The following MACF1 variants were observed in gnomAD, a reference collection of about 807,000 sequenced individuals.
MACF1 encodes microtubule actin crosslinking factor 1.
MACF1 carries 193 observed loss-of-function variants against 854.8 expected under a neutral mutation model. The observed-to-expected ratio is 0.23, with a 90% confidence interval of 0.20 to 0.25. The LOEUF (loss-of-function observed/expected upper bound fraction) is 0.25, where lower values mean the gene tolerates loss of function less well. Among genes scored for constraint, MACF1 ranks in the 10% least tolerant of loss-of-function variants. The pLI, the probability that MACF1 is intolerant of heterozygous loss-of-function variation, is 1.00. For missense variants in MACF1, 7,722 were observed against 8,929.1 expected (o/e 0.86, Z 5.45); for synonymous variants, 3,185 against 3,226.7 (o/e 0.99, Z 0.44).
chr1:39,332,029 T>C lies in MACF1; in HGVS notation c.5441T>C (p.Ile1814Thr), dbSNP rs745840760. 56 of 1,613,784 alleles carry C rather than the reference T, an allele frequency of 3.5e-5. No individual in the cohort carries two copies. The Admixed American group carries it at 8.5e-4, about 25-fold the overall frequency. Residue 1814 changes from isoleucine (I) to threonine (T), a missense_variant, in exon 37 of 101, where the codon ATA becomes ACA. By Grantham distance (89) the Ile-to-Thr change is moderately conservative. This residue lies in a region of MACF1 where 1,531 missense variants were observed against 1,601.6 expected (regional missense o/e 0.96). Transcript: ENST00000564288. Reference sequence around the variant, plus strand: ...AGGCAGCTTCAGACAGGAGGCATCATAGACACTGTCACGGGGCAAAGGCTA... The same window carrying C: ...AGGCAGCTTCAGACAGGAGGCATCACAGACACTGTCACGGGGCAAAGGCTA... ...LIRQLQTGGI[I>T]DTVTGQRLTI... is the part of the protein sequence containing the mutation.
chr1:39,409,989 A>T lies in MACF1; in HGVS notation c.15817-12385A>T, dbSNP rs897713522. On this transcript the variant is annotated intron_variant, in intron 58 of 100. Transcript: ENST00000564288. This position sits in a 1 kb window ranked among gnomAD's most constrained non-coding sequence, Gnocchi z 4.2. ...CTGTATTTGAAAGAGCAGTGCTCTTAAAAAAAATTAAACCATAAGCCATAC... is the reference window on the plus strand; with the variant it reads ...CTGTATTTGAAAGAGCAGTGCTCTTTAAAAAAATTAAACCATAAGCCATAC... 11 of 330,298 alleles carry T rather than the reference A, an allele frequency of 3.3e-5. No individual in the cohort carries two copies. The highest frequency in any genetic ancestry group is 1.1e-4 in the South Asian group (1 of 8,724). 20.5% of individuals were successfully genotyped at this position (330,298 alleles called of 1,614,324 possible).
chr1:39,231,392 T>G, intron 2 of MACF1, 149 bp downstream of exon 2: 1 of 723,676 alleles, frequency 1.4e-6, no homozygotes. Flanking sequence ...CTTCTTTTCT[T>G]TTTTAATAGA....
intron 6 of MACF1, among the ~76,000 whole-genome samples, chr1:39,274,352 T>C (rs1645391337): frequency 6.6e-6 from 1 of 152,234 alleles, no homozygotes; most frequent in Non-Finnish European, 1.5e-5. Context: ...GTTGGCTCTC[T>C]GCATTGTGGG....
intron 2 of MACF1, among the ~76,000 whole-genome samples, chr1:39,119,695 T>C (rs564453099): frequency 3.9e-5 from 6 of 152,276 alleles, no homozygotes; most frequent in African/African-American, 1.2e-4. Context: ...TCCCTGCTCC[T>C]GGACCTGCCT....
chr1:39,483,438 G>A (rs1188875052), intron 99 of MACF1, among the ~76,000 whole-genome samples: 3 of 152,208 alleles, frequency 2.0e-5, no homozygotes, highest in Non-Finnish European at 4.4e-5. Context: ...AGCCACACGT[G>A]TATCTGGGGT....
chr1:39,283,971 G>A lies in MACF1; in HGVS notation c.916-95G>A, dbSNP rs1001085605. On this transcript the variant is annotated intron_variant, in intron 9 of 100. Transcript: ENST00000564288. The surrounding 1 kb of genome is among the most constrained non-coding windows in gnomAD (Gnocchi z 4.5). The stretch of plus-strand genomic sequence containing the variant: ...AGCATCTAGGCAATTAAAGGAAATG[G>A]ATTTTATATAGTTTGGAGTGGCCTG... 2.8e-5 allele frequency: 39 copies of A among 1,375,956 alleles called. No homozygotes were observed. Among genetic ancestry groups the A allele is most frequent in the Non-Finnish European group, 3.7e-5 (37 of 994,972 alleles). 85.2% of individuals were successfully genotyped at this position (1,375,956 alleles called of 1,614,324 possible). A position where few individuals can be genotyped will look rare whatever the true frequency, so the allele number is the denominator to read the frequency against.
chr1:39,091,504 A>AT (rs530996702), intron 2 of MACF1, among the ~76,000 whole-genome samples: 8 of 150,224 alleles, frequency 5.3e-5, no homozygotes, highest in South Asian at 2.1e-4. Flanking sequence ...GCCCTTGATA[A>AT]TTTTTTTTTT....
chr1:39,092,013 T>C (rs1641818954), intron 2 of MACF1, among the ~76,000 whole-genome samples: 1 of 152,214 alleles, frequency 6.6e-6, no homozygotes. Flanking sequence ...TGAACTGAGC[T>C]ACGTTGCAAG....
At chr1:39,483,918 G>A (rs1210350144) in intron 99 of MACF1, among the ~76,000 whole-genome samples, 1 of 152,246 alleles carries the variant, frequency 6.6e-6, no homozygotes, top group Non-Finnish European at 1.5e-5. Context: ...TTGGGAGGCT[G>A]AGGTGGGCAG....
chr1:39,313,165 A>G (rs1420542512), intron 26 of MACF1, among the ~76,000 whole-genome samples: 1 of 152,128 alleles, frequency 6.6e-6, no homozygotes, highest in Non-Finnish European at 1.5e-5. Context: ...CTTCCTGATT[A>G]GTGTTAGGTC....
At chr1:39,107,825 C>T (rs923088314) in intron 2 of MACF1, among the ~76,000 whole-genome samples, 2 of 152,160 alleles carry the variant, frequency 1.3e-5, no homozygotes, top group Admixed American at 1.3e-4. Flanking sequence ...ACTTGGATCT[C>T]TCTCTGCTGC....
At chr1:39,124,791 C>A (rs1446755584) in intron 2 of MACF1, among the ~76,000 whole-genome samples, 1 of 152,172 alleles carries the variant, frequency 6.6e-6, no homozygotes, top group African/African-American at 2.4e-5. Context: ...CTTAGAGCAA[C>A]CATGTGAAAT....
chr1:39,249,159 T>C (rs74554612), intron 2 of MACF1, among the ~76,000 whole-genome samples: 3,174 of 152,314 alleles, frequency 0.021, 118 homozygotes, highest in African/African-American at 0.073. Flanking sequence ...CTTCCTTGGT[T>C]TCTTTGATGG....
intron 1 of MACF1, among the ~76,000 whole-genome samples, chr1:39,211,013 C>T (rs896289619): frequency 2.6e-5 from 4 of 151,282 alleles, no homozygotes; most frequent in Non-Finnish European, 5.9e-5. Flanking sequence ...GTCGCCCAGG[C>T]TGGAGTGCAG....
Position 39,442,000 on chromosome 1 carries a change from C to A in MACF1, c.18721C>A (p.Pro6241Thr), listed in dbSNP as rs769998643. ...DNTVIKLCTM[P>T]PVGTDLNTVK... ...CACTGTGATTAAACTCTGCACCATG[C>A]CCCCTGTTGGCACTGACCTCAATAC... The change falls in exon 75 of 101, where the codon CCC becomes ACC. Residue 6241 changes from proline (P) to threonine (T), a missense_variant. By Grantham distance (38) the Pro-to-Thr change is conservative. Transcript: ENST00000564288. 5 of 1,613,944 alleles carry A rather than the reference C, an allele frequency of 3.1e-6. No individual in the cohort carries two copies. The South Asian group carries it at 5.5e-5, about 18-fold the overall frequency.
chr1:39,256,949 G>A (rs1439281417), intron 5 of MACF1, among the ~76,000 whole-genome samples: 1 of 151,232 alleles, frequency 6.6e-6, no homozygotes, highest in Non-Finnish European at 1.5e-5. Context: ...CAATAAAAAA[G>A]TGACCCACAA....
At chr1:39,100,772 T>C (rs1642049883) in intron 2 of MACF1, among the ~76,000 whole-genome samples, 1 of 151,952 alleles carries the variant, frequency 6.6e-6, no homozygotes, top group South Asian at 2.1e-4. Context: ...GAGAATGGCT[T>C]GAACTCAGGA....
chr1:39,085,415 C>T (rs576316537), intron 2 of MACF1, among the ~76,000 whole-genome samples: 2 of 152,152 alleles, frequency 1.3e-5, no homozygotes, highest in South Asian at 4.1e-4. Flanking sequence ...TCAGTGACAT[C>T]ACCCGCTTTC....
chr1:39,340,783 G>T, intron 39 of MACF1, 21 bp from the exon 40 acceptor site: 1 of 1,611,934 alleles, frequency 6.2e-7, no homozygotes, highest in Non-Finnish European at 8.5e-7. Flanking sequence ...TTCATAATGT[G>T]ATTTTCCATT....
Sources: gnomAD v4.1 joint callset for allele counts (sites outside exome capture counted in the v4.1 genomes callset) on GRCh38, gnomAD v4.1.1 for gene constraint, gnomAD v4.1.1 regional missense constraint, Gnocchi (gnomAD v3.1) non-coding constraint, MANE v1.5 for transcripts, NCBI Gene and HGNC (gene_info 2026-07-23, HGNC 2026-07-21) for gene names.